The following LPP variants were observed in gnomAD, a reference collection of about 807,000 sequenced individuals.
LPP encodes lipoma-preferred partner.
A neutral mutation model predicts 60.4 loss-of-function variants in LPP; 38 were observed. The observed-to-expected ratio is 0.63, with a 90% confidence interval of 0.49 to 0.83. The LOEUF is 0.83. Among genes scored for constraint, LPP ranks in the 40% least tolerant of loss-of-function variants. The pLI is 0.00. For synonymous variants in LPP, 328 were observed against 290.8 expected (o/e 1.13, Z -1.30); for missense variants, 902 against 783.6 (o/e 1.15, Z -1.80).
At chr3:188,436,006 T>G (rs1792204452) in intron 4 of LPP, among the ~76,000 whole-genome samples, 1 of 152,234 alleles carries the variant, frequency 6.6e-6, no homozygotes. Context: ...TCTTCCTCTG[T>G]CCCAAACCTA....
intron 5 of LPP, among the ~76,000 whole-genome samples, chr3:188,523,061 C>A (rs1271580656): frequency 6.6e-6 from 1 of 151,922 alleles, no homozygotes; most frequent in Non-Finnish European, 1.5e-5. Context: ...GGGCCTGCCA[C>A]CACACCCAGC....
chr3:188,834,324 G>GTTTTTTTTTTTTTTTT (rs71867135), intron 9 of LPP, among the ~76,000 whole-genome samples: 10 of 34,092 alleles, frequency 2.9e-4, no homozygotes, highest in East Asian at 1.9e-3. Flanking sequence ...CTTTTTGGGT[G>GTTTTTTTTTTTTTTTT]TTTTTTTTTT....
At chr3:188,355,295 C>T (rs895628010) in intron 3 of LPP, among the ~76,000 whole-genome samples, 5 of 152,198 alleles carry the variant, frequency 3.3e-5, no homozygotes, top group Admixed American at 2.6e-4. Context: ...GCGTGAGCCA[C>T]CGCGCCTGGC....
intron 4 of LPP, among the ~76,000 whole-genome samples, chr3:188,435,023 G>A (rs886682177): frequency 2.4e-4 from 36 of 152,196 alleles, no homozygotes; most frequent in Admixed American, 7.9e-4. Context: ...TATACCATGC[G>A]CACATATAAA....
At chr3:188,336,991 G>A (rs1434765265) in intron 2 of LPP, among the ~76,000 whole-genome samples, 1 of 152,154 alleles carries the variant, frequency 6.6e-6, no homozygotes, top group Non-Finnish European at 1.5e-5. Flanking sequence ...GTACTGGGGT[G>A]CGTGACCGCT....
intron 2 of LPP, among the ~76,000 whole-genome samples, chr3:188,299,339 C>A (rs1027551193): frequency 6.6e-6 from 1 of 152,184 alleles, no homozygotes; most frequent in African/African-American, 2.4e-5. Flanking sequence ...GACAGGAAAG[C>A]GTCACAGCAA....
chr3:188,761,040 T>C (rs1241531453), intron 9 of LPP, among the ~76,000 whole-genome samples: 1 of 150,950 alleles, frequency 6.6e-6, no homozygotes, highest in Non-Finnish European at 1.5e-5. Flanking sequence ...GAACACAGAC[T>C]TTTTTCATCT....
At chr3:188,514,417 T>G (rs1816721447) in intron 5 of LPP, among the ~76,000 whole-genome samples, 1 of 150,868 alleles carries the variant, frequency 6.6e-6, no homozygotes, top group South Asian at 2.1e-4. Context: ...CTCATCCCTG[T>G]GGCAATTTTT....
At chr3:188,581,665 C>G (rs903619099) in intron 6 of LPP, among the ~76,000 whole-genome samples, 1 of 152,054 alleles carries the variant, frequency 6.6e-6, no homozygotes, top group African/African-American at 2.4e-5. Context: ...CATCTCCATT[C>G]AGCTGCAGCC....
rs1471599268 is a variant in LPP at position 188,572,071 on chromosome 3, A to G, written c.430-37090A>G. ...TAAGACTCTTGATGGCCCAGAGGTC[A>G]GTATAATGAGGAAAACATAGAACTT... On this transcript the variant is annotated intron_variant, in intron 6 of 11. Transcript: ENST00000617246. This position sits in a 1 kb window ranked among gnomAD's most constrained non-coding sequence, Gnocchi z 4.1. 6.6e-6 allele frequency among the ~76,000 whole-genome samples: 1 copy of G among 152,078 alleles called. No individual in the cohort carries two copies. Among genetic ancestry groups the G allele is most frequent in the Non-Finnish European group, 1.5e-5 (1 of 67,988 alleles).
chr3:188,371,632 TATATATATA>T (rs1205022889), intron 3 of LPP, among the ~76,000 whole-genome samples: 1 of 31,720 alleles, frequency 3.2e-5, no homozygotes, highest in Non-Finnish European at 8.1e-5. Context: ...TATATATATA[TATATATATA>T]TTTTTTTTTT....
chr3:188,751,907 T>C (rs2150328851), intron 8 of LPP, among the ~76,000 whole-genome samples: 1 of 152,336 alleles, frequency 6.6e-6, no homozygotes, highest in Admixed American at 6.5e-5. Context: ...TTGAAATTTC[T>C]ACCGAAAAAT....
rs374879164 is a variant in LPP, at chr3:188,273,699, G to T, written c.-67+48172G>T. Among the ~76,000 whole-genome samples the T allele has an allele frequency of 2.3e-4, 33 of 146,476 alleles. No individual in the cohort carries two copies. The East Asian group carries it at 3.1e-3, about 14-fold the overall frequency. On this transcript the variant is annotated intron_variant, in intron 2 of 11. Transcript: ENST00000617246. ...CAACCTCCACCTCCTGGGTTCAAGC[G>T]ATTCTCGTGCCTCAGCCTCCCTAGT...
intron 1 of LPP, chr3:188,179,063 A>T: frequency 9.9e-6 from 3 of 303,910 alleles, no homozygotes; most frequent in South Asian, 5.1e-5. Flanking sequence ...AGAGAGAGAG[A>T]GAGTGAGCAA....
rs571902218 is a variant in LPP, at chr3:188,768,596, C to T, written c.1410+8314C>T. Among the ~76,000 whole-genome samples the T allele has an allele frequency of 2.6e-5, 4 of 152,176 alleles. No individual in the cohort carries two copies. The East Asian group carries it at 7.7e-4, about 29-fold the overall frequency. ...ATGCATTCATATTTAAAAACAAAAA[C>T]AATGGCAATGCAAAATAAGCTCTAA... On this transcript the variant is annotated intron_variant, in intron 9 of 11. Transcript: ENST00000617246.
chr3:188,341,517 C>G (rs1262487666), intron 2 of LPP, 146 bp from the exon 3 acceptor site: 1 of 165,018 alleles, frequency 6.1e-6, no homozygotes, highest in South Asian at 2.0e-4. Flanking sequence ...GCTTCTTCAT[C>G]GGGTTCCTGT....
chr3:188,657,494 G>T (rs184923346), intron 7 of LPP, among the ~76,000 whole-genome samples: 78 of 151,778 alleles, frequency 5.1e-4, no homozygotes, highest in East Asian at 7.8e-4. Context: ...AGTGGATTCT[G>T]CGTATTTGAT....
chr3:188,353,243 T>C (rs1488556600), intron 3 of LPP, among the ~76,000 whole-genome samples: 1 of 152,212 alleles, frequency 6.6e-6, no homozygotes, highest in Non-Finnish European at 1.5e-5. Flanking sequence ...ATTCTTGCCC[T>C]ACCTTTTAAT....
At chr3:188,484,441 A>G (rs1805723412) in intron 4 of LPP, 151 bp from the exon 5 acceptor site, 4 of 588,352 alleles carry the variant, frequency 6.8e-6, no homozygotes, top group Middle Eastern at 3.6e-4. Flanking sequence ...AATTAAGGCT[A>G]CTAATTAAAC....
Sources: gnomAD v4.1 joint callset for allele counts (sites outside exome capture counted in the v4.1 genomes callset) on GRCh38, gnomAD v4.1.1 for gene constraint, Gnocchi (gnomAD v3.1) non-coding constraint, MANE v1.5 for transcripts, NCBI Gene and HGNC (gene_info 2026-07-23, HGNC 2026-07-21) for gene names.